Variants in BEAN1 observed in about 807,000 individuals in gnomAD.
The protein encoded by BEAN1 is protein BEAN1.
Under a neutral mutation model 17.7 loss-of-function variants are expected in BEAN1, and 17 were observed. The ratio of observed to expected loss-of-function variants is 0.96; its 90% CI spans 0.66 to 1.44. The LOEUF (loss-of-function observed/expected upper bound fraction) is 1.44, where lower values mean the gene tolerates loss of function less well. Among genes scored for constraint, BEAN1 ranks in the 40% most tolerant of loss-of-function variants. The pLI, the probability that BEAN1 is intolerant of heterozygous loss-of-function variation, is 0.00. For missense variants in BEAN1, 359 were observed against 374.1 expected, an observed-to-expected ratio of 0.96 and a Z score of 0.33; for synonymous variants, 142 against 151.8, an observed-to-expected ratio of 0.94 and a Z score of 0.47.
At chr16:66,470,184 AT>A in intron 3 of BEAN1, 1 of 428,386 alleles carries the variant, frequency 2.3e-6, no homozygotes. Flanking sequence ...GGATGGATGG[AT>A]GGATGGATGG....
At chr16:66,477,481 C>A in intron 3 of BEAN1, 79 bp from the exon 4 acceptor site, 4 of 1,362,754 alleles carry the variant, frequency 2.9e-6, no homozygotes, top group Non-Finnish European at 3.8e-6. Context: ...CCTCCATGGC[C>A]CCAGGTAGAC....
At chr16:66,491,665 G>A (rs1303748309) in intron 4 of BEAN1, among the ~76,000 whole-genome samples, 2 of 152,098 alleles carry the variant, frequency 1.3e-5, no homozygotes. Flanking sequence ...GGGGGCGGGG[G>A]TTAGTTTCAG....
intron 3 of BEAN1, chr16:66,470,170 C>CAATG (rs1555520551): frequency 7.6e-4 from 264 of 345,122 alleles, no homozygotes; most frequent in African/African-American, 4.5e-3. Context: ...TCTGGTGTCT[C>CAATG]GATGGATGGA....
intron 2 of BEAN1, among the ~76,000 whole-genome samples, chr16:66,456,791 T>A (rs548027882): frequency 1.3e-5 from 2 of 152,238 alleles, no homozygotes; most frequent in Non-Finnish European, 2.9e-5. Context: ...GATGACAAGG[T>A]GGTAAACTTA....
intron 2 of BEAN1, among the ~76,000 whole-genome samples, chr16:66,442,468 T>A (rs188192501): frequency 1.3e-4 from 20 of 151,930 alleles, no homozygotes; most frequent in Non-Finnish European, 2.4e-4. Context: ...GGGTGGGAGG[T>A]AGCATCTGAT....
intron 2 of BEAN1, among the ~76,000 whole-genome samples, chr16:66,439,703 A>G (rs1962174101): frequency 6.6e-6 from 1 of 152,172 alleles, no homozygotes; most frequent in Non-Finnish European, 1.5e-5. Context: ...AGCATGCAGT[A>G]GGCACTCAAT....
In BEAN1 at chr16:66,469,818, A is replaced by G; in HGVS notation, c.242A>G (p.His81Arg). 4 of 1,526,856 alleles carry G rather than the reference A, an allele frequency of 2.6e-6. No homozygotes were observed. The highest frequency in any genetic ancestry group is 1.7e-4 in the Middle Eastern group (1 of 5,874). The allele number at this position is 1,526,856 out of a possible 1,614,324, so 94.6% of individuals were successfully genotyped here. The stretch of plus-strand genomic sequence containing the variant: ...CGCCACCACCGCCACCACCACCACC[A>G]TCATCACCACCGCCGGCGTCGACAC... ...RHRHHRHHHH[H>R]HHHRRRRHRE... The change falls in exon 3 of 5, where the codon CAT becomes CGT. Residue 81 changes from histidine to arginine, a missense_variant. Physicochemically the swap from His to Arg is conservative, Grantham distance 29. Coordinates refer to ENST00000536005, the MANE Select transcript of BEAN1 (RefSeq NM_001178020.3).
intron 2 of BEAN1, among the ~76,000 whole-genome samples, chr16:66,468,093 G>T (rs1963323742): frequency 6.6e-6 from 1 of 152,180 alleles, no homozygotes; most frequent in Non-Finnish European, 1.5e-5. Context: ...AGCTACTCAG[G>T]CAGGTGGCCA....
chr16:66,462,885 A>G (rs1963136541), intron 2 of BEAN1, among the ~76,000 whole-genome samples: 2 of 152,230 alleles, frequency 1.3e-5, no homozygotes, highest in Admixed American at 6.5e-5. Context: ...CAAAGACATC[A>G]CAATTTAATA....
intron 2 of BEAN1, among the ~76,000 whole-genome samples, chr16:66,440,052 T>TC (rs1308482531): frequency 6.6e-5 from 10 of 151,016 alleles, no homozygotes; most frequent in African/African-American, 2.4e-4. Context: ...CAACATCCCA[T>TC]CAACTTCTGT....
intron 1 of BEAN1, among the ~76,000 whole-genome samples, chr16:66,435,844 G>C (rs962661752): frequency 6.6e-6 from 1 of 152,152 alleles, no homozygotes; most frequent in Non-Finnish European, 1.5e-5. Context: ...GAGAGTCTGT[G>C]CTCAAAAGTC....
chr16:66,456,941 G>A (rs1204621954), intron 2 of BEAN1, among the ~76,000 whole-genome samples: 1 of 152,270 alleles, frequency 6.6e-6, no homozygotes, highest in South Asian at 2.1e-4. Flanking sequence ...GTTTGTGGGT[G>A]GTCACTTGTA....
In BEAN1 at chr16:66,477,630, G is replaced by C; in HGVS notation, c.360G>C (p.Trp120Cys). 1.3e-6 allele frequency: 2 copies of C among 1,551,192 alleles called. No homozygotes were observed. Among genetic ancestry groups the C allele is most frequent in the Non-Finnish European group, 8.7e-7 (1 of 1,146,810 alleles). The change falls in exon 4 of 5, where the codon TGG becomes TGC. Residue 120 changes from tryptophan (W) to cysteine (C), a missense_variant. By Grantham distance (215) the Trp-to-Cys change is radical. Coordinates refer to ENST00000536005, the MANE Select transcript of BEAN1 (RefSeq NM_001178020.3). ...ATGCCTGCAGCTCCTCAGAGGACTG[G>C]CCCCCACCCTTGGACATCAGCTCTG... ...MRYACSSSED[W>C]PPPLDISSDG...
At chr16:66,430,409 A>G (rs924620933) in intron 1 of BEAN1, among the ~76,000 whole-genome samples, 1 of 152,244 alleles carries the variant, frequency 6.6e-6, no homozygotes, top group Non-Finnish European at 1.5e-5. Context: ...TTTAAGGACT[A>G]TCTAATTCTG....
Position 66,481,135 on chromosome 16 carries a change from T to TACAGGCCTACC in BEAN1, c.*214_*224dup. 1 of 449,340 alleles carries TACAGGCCTACC rather than the reference T, an allele frequency of 2.2e-6. No homozygotes were observed. Among genetic ancestry groups the TACAGGCCTACC allele is most frequent in the East Asian group, 3.5e-5 (1 of 28,816 alleles). The allele number at this position is 449,340 out of a possible 1,614,324, so 27.8% of individuals were successfully genotyped here. The stretch of plus-strand genomic sequence containing the variant: ...CCACATATGTGTGAATATGCGCACA[T>TACAGGCCTACC]ACAGGCCTACCACAAACACAAAACC... On this transcript the variant is annotated 3_prime_UTR_variant, in exon 5 of 5. Transcript: ENST00000536005. This position sits in a 1 kb window ranked among gnomAD's most constrained non-coding sequence, Gnocchi z 4.1.
At chr16:66,435,085 A>G (rs764653259) in intron 1 of BEAN1, among the ~76,000 whole-genome samples, 1 of 152,106 alleles carries the variant, frequency 6.6e-6, no homozygotes, top group Non-Finnish European at 1.5e-5. Context: ...ACAGCTACAT[A>G]GGAGTTTGCC....
At chr16:66,475,224 G>A (rs971496508) in intron 3 of BEAN1, among the ~76,000 whole-genome samples, 4 of 152,044 alleles carry the variant, frequency 2.6e-5, no homozygotes, top group Admixed American at 6.6e-5. Context: ...GCGGGTGCAG[G>A]TTTCTTTCCA....
At chr16:66,485,474 T>G (rs1229570343), downstream of BEAN1, 1 of 298,886 alleles carries the variant, frequency 3.3e-6, no homozygotes, top group Non-Finnish European at 6.6e-6. Context: ...AGGAAGTGAA[T>G]CTTCTGTCCT....
intron 1 of BEAN1, chr16:66,428,535 G>A (rs1211515611): frequency 2.0e-5 from 3 of 152,398 alleles, no homozygotes; most frequent in Non-Finnish European, 4.4e-5. Flanking sequence ...ATGTTTAAGG[G>A]ATTTGGAACC....
Sources: gnomAD v4.1 joint callset for allele counts (sites outside exome capture counted in the v4.1 genomes callset) on GRCh38, gnomAD v4.1.1 for gene constraint, Gnocchi (gnomAD v3.1) non-coding constraint, MANE v1.5 for transcripts, NCBI Gene and HGNC (gene_info 2026-07-23, HGNC 2026-07-21) for gene names.